SUMF1: variants seen among roughly 807,000 people sequenced by gnomAD.
The protein encoded by SUMF1 is formylglycine-generating enzyme.
Under a neutral mutation model 47.6 loss-of-function variants are expected in SUMF1, and 48 were observed. That is an observed-to-expected ratio of 1.01 (90% CI 0.80 to 1.28). The LOEUF is 1.28. SUMF1 is among the 50% of genes most tolerant of loss of function. The pLI is 0.00. For synonymous variants in SUMF1, 230 were observed against 192.1 expected (o/e 1.20, Z -1.63); for missense variants, 571 against 485.4 (o/e 1.18, Z -1.66).
intron 8 of SUMF1, among the ~76,000 whole-genome samples, chr3:4,137,758 A>G (rs1377907733): frequency 1.3e-5 from 2 of 152,102 alleles, no homozygotes; most frequent in Non-Finnish European, 2.9e-5. Flanking sequence ...CAAGACAGAG[A>G]TGCTCATTCC....
intron 8 of SUMF1, among the ~76,000 whole-genome samples, chr3:4,257,298 T>C (rs1212520028): frequency 4.9e-5 from 7 of 142,354 alleles, no homozygotes. Context: ...GGGTATTCAA[T>C]TAGGAAAAGA....
intron 8 of SUMF1, among the ~76,000 whole-genome samples, chr3:4,199,078 G>C (rs1478974861): frequency 3.3e-5 from 5 of 152,010 alleles, no homozygotes; most frequent in Non-Finnish European, 7.4e-5. Flanking sequence ...GTATGCAGTT[G>C]TGCAGCCATC....
rs546857693 is a variant in SUMF1, at chr3:4,344,713, G to T, written c.1014+31617C>A. Among the ~76,000 whole-genome samples the T allele has an allele frequency of 1.4e-4, 22 of 152,212 alleles. 1 individual carries two copies. The South Asian group carries it at 4.6e-3, about 32-fold the overall frequency. ...GATGAATTGACAGTAGGCTTCAAAA[G>T]ATGGGTAATAAAAAATTACGATGAG... On this transcript the variant is annotated intron_variant and NMD_transcript_variant, in intron 8 of 12. Transcript: ENST00000448413.
chr3:4,272,152 A>G (rs79444121), intron 8 of SUMF1, among the ~76,000 whole-genome samples: 2 of 152,308 alleles, frequency 1.3e-5, no homozygotes, highest in East Asian at 3.9e-4. Flanking sequence ...TTAATAAGGC[A>G]AGTGTAAATG....
intron 8 of SUMF1, among the ~76,000 whole-genome samples, chr3:4,130,102 G>A (rs549464575): frequency 6.6e-6 from 1 of 152,266 alleles, no homozygotes. Flanking sequence ...AAGATGCAGA[G>A]GTGAATGATT....
At chr3:4,174,420 G>T (rs1361175133) in intron 8 of SUMF1, among the ~76,000 whole-genome samples, 1 of 151,718 alleles carries the variant, frequency 6.6e-6, no homozygotes, top group African/African-American at 2.4e-5. Flanking sequence ...AATCCAGCCA[G>T]GGACAGTGGC....
At chr3:4,152,425 C>A (rs571334263) in intron 8 of SUMF1, among the ~76,000 whole-genome samples, 1 of 151,238 alleles carries the variant, frequency 6.6e-6, no homozygotes, top group Non-Finnish European at 1.5e-5. Context: ...GTAGCTAGAA[C>A]TACAGGCACA....
intron 6 of SUMF1, among the ~76,000 whole-genome samples, chr3:4,415,515 T>TA (rs1049219164): frequency 6.6e-6 from 1 of 151,944 alleles, no homozygotes; most frequent in Non-Finnish European, 1.5e-5. Context: ...AATCTATCTT[T>TA]AAAAAATCAT....
intron 8 of SUMF1, among the ~76,000 whole-genome samples, chr3:4,214,532 C>T (rs961582582): frequency 5.9e-5 from 9 of 151,978 alleles, no homozygotes; most frequent in African/African-American, 2.2e-4. Flanking sequence ...CAAAAGCGAG[C>T]AGAAGACAAG....
At chr3:4,172,089 A>G (rs1198350682) in intron 8 of SUMF1, among the ~76,000 whole-genome samples, 1 of 152,208 alleles carries the variant, frequency 6.6e-6, no homozygotes, top group Non-Finnish European at 1.5e-5. Flanking sequence ...CAGACTTCAA[A>G]TAAGACAGTA....
rs533431984 is a variant in SUMF1 at position 4,069,772 on chromosome 3, T to A, written c.1015-1027A>T. ...CATGACTTACTTTTCAATCTGACTC[T>A]GGAATACCATTATGAGATAAGGAAA... is the stretch of plus-strand genomic sequence containing the variant. On this transcript the variant is annotated intron_variant and NMD_transcript_variant, in intron 8 of 12. Transcript: ENST00000448413. Among the ~76,000 whole-genome samples the A allele has an allele frequency of 2.6e-5, 4 of 152,286 alleles. No homozygotes were observed. The East Asian group carries it at 7.7e-4, about 29-fold the overall frequency.
chr3:4,217,236 C>T (rs1318978771), intron 8 of SUMF1, among the ~76,000 whole-genome samples: 5 of 151,408 alleles, frequency 3.3e-5, no homozygotes, highest in Admixed American at 1.3e-4. Flanking sequence ...AAGCTGGAAA[C>T]CATCACTCTC....
chr3:4,456,211 T>C (rs1454354927), intron 1 of SUMF1, among the ~76,000 whole-genome samples: 1 of 152,110 alleles, frequency 6.6e-6, no homozygotes, highest in Admixed American at 6.5e-5. Flanking sequence ...ATTGAAGGAA[T>C]GTACCTTAAC....
chr3:4,193,424 G>T (rs1459999295), intron 8 of SUMF1, among the ~76,000 whole-genome samples: 2 of 151,960 alleles, frequency 1.3e-5, no homozygotes, highest in South Asian at 2.1e-4. Context: ...GCCTGAATTT[G>T]CAGCCAGTTG....
chr3:4,234,741 G>A (rs1204758161), intron 8 of SUMF1, among the ~76,000 whole-genome samples: 2 of 152,118 alleles, frequency 1.3e-5, no homozygotes, highest in Non-Finnish European at 2.9e-5. Context: ...TGCAGAAGAT[G>A]AGAATGGGCT....
intron 8 of SUMF1, among the ~76,000 whole-genome samples, chr3:4,146,975 T>C (rs1694209195): frequency 6.6e-6 from 1 of 152,168 alleles, no homozygotes; most frequent in Middle Eastern, 3.4e-3. Flanking sequence ...TTTGCTATTG[T>C]GAATACAAAC....
chr3:4,144,939 C>A (rs1694158215), intron 8 of SUMF1, among the ~76,000 whole-genome samples: 1 of 152,178 alleles, frequency 6.6e-6, no homozygotes, highest in South Asian at 2.1e-4. Context: ...GTGGCTCACG[C>A]CTGTAATCCC....
At chr3:4,263,019 AC>A (rs1697118326) in intron 8 of SUMF1, among the ~76,000 whole-genome samples, 1 of 152,122 alleles carries the variant, frequency 6.6e-6, no homozygotes, top group Non-Finnish European at 1.5e-5. Flanking sequence ...CTGTTTCCAA[AC>A]TTTCTGTAAT....
rs1553559568 is a variant in SUMF1, at chr3:4,340,105, G to GCGCACACA, written c.1014+36224_1014+36225insTGTGTGCG. On this transcript the variant is annotated intron_variant and NMD_transcript_variant, in intron 8 of 12. Coordinates refer to the SUMF1 transcript ENST00000448413. ...AACACACACACACAGGCACCAATGTGCACACACACACACACACACAAACAC... is the reference window on the plus strand; with the variant it reads ...AACACACACACACAGGCACCAATGTGCGCACACACACACACACACACACACACAAACAC... Among the ~76,000 whole-genome samples the GCGCACACA allele has an allele frequency of 5.5e-4, 83 of 150,680 alleles. No individual in the cohort carries two copies. In the East Asian group the frequency reaches 0.015, roughly 28 times the overall value.
Sources: gnomAD v4.1 joint callset for allele counts (sites outside exome capture counted in the v4.1 genomes callset) on GRCh38, gnomAD v4.1.1 for gene constraint, MANE v1.5 for transcripts, NCBI Gene and HGNC (gene_info 2026-07-23, HGNC 2026-07-21) for gene names.